Variants in ANKMY1 observed in about 807,000 individuals in gnomAD.
ANKMY1 encodes ankyrin repeat and MYND domain-containing protein 1.
ANKMY1 carries 98 observed loss-of-function variants against 102.0 expected under a neutral mutation model. The observed-to-expected ratio is 0.96, with a 90% CI of 0.82 to 1.14. ANKMY1 has a LOEUF of 1.14. Among genes scored for constraint, ANKMY1 ranks in the 50% most tolerant of loss-of-function variants. ANKMY1 has a pLI of 0.00. For synonymous variants in ANKMY1, 582 were observed against 559.9 expected (o/e 1.04, Z -0.56); for missense variants, 1,330 against 1,347.6 (o/e 0.99, Z 0.20).
At chr2:240,478,141 G>A (rs996839411), downstream of ANKMY1, among the ~76,000 whole-genome samples, 2 of 152,108 alleles carry the variant, frequency 1.3e-5, no homozygotes, top group Admixed American at 6.5e-5. Flanking sequence ...GCGAAGTGCC[G>A]GCTTCCCCTT....
At chr2:240,526,936 T>C in intron 5 of ANKMY1, 1 of 1,061,024 alleles carries the variant, frequency 9.4e-7, no homozygotes, top group Non-Finnish European at 1.1e-6. Flanking sequence ...ACACAACCCC[T>C]TTTCACAATC....
chr2:240,511,346 C>T (rs538535023), intron 11 of ANKMY1, among the ~76,000 whole-genome samples: 3 of 152,388 alleles, frequency 2.0e-5, no homozygotes, highest in East Asian at 3.9e-4. Flanking sequence ...TGCTGCCACA[C>T]GGCAAAGCTG....
intron 4 of ANKMY1, among the ~76,000 whole-genome samples, chr2:240,544,750 C>T (rs1422941131): frequency 2.6e-5 from 4 of 152,172 alleles, no homozygotes; most frequent in Admixed American, 1.3e-4. Context: ...GGGTGACAGA[C>T]GGCACCTGGA....
At chr2:240,560,662 A>G (rs757034130), upstream of ANKMY1, 7 of 1,496,190 alleles carry the variant, frequency 4.7e-6, no homozygotes, top group South Asian at 8.9e-5. Flanking sequence ...CAGGGCCCAA[A>G]AGCAGACTCT....
At chr2:240,514,643 T>C (rs2080861680) in intron 9 of ANKMY1, among the ~76,000 whole-genome samples, 1 of 152,234 alleles carries the variant, frequency 6.6e-6, no homozygotes, top group Admixed American at 6.5e-5. Flanking sequence ...GGATGTCCAA[T>C]GACACTCTGC....
chr2:240,485,567 T>G (rs2075954946), intron 15 of ANKMY1, among the ~76,000 whole-genome samples: 1 of 151,342 alleles, frequency 6.6e-6, no homozygotes, highest in Non-Finnish European at 1.5e-5. Context: ...CACATCAGCC[T>G]TTACCACATG....
chr2:240,553,205 T>TA (rs1174347189), intron 3 of ANKMY1, 148 bp from the exon 4 acceptor site: 4 of 954,046 alleles, frequency 4.2e-6, no homozygotes, highest in African/African-American at 1.7e-5. Flanking sequence ...ATGCGACTAT[T>TA]AGAGTCGGCA....
At chr2:240,561,060 C>G, upstream of ANKMY1, 1 of 1,493,166 alleles carries the variant, frequency 6.7e-7, no homozygotes, top group South Asian at 1.3e-5. Flanking sequence ...CGGCCTCAGC[C>G]TGGCGAAGGC....
intron 4 of ANKMY1, among the ~76,000 whole-genome samples, chr2:240,535,336 C>T (rs2086458700): frequency 6.6e-6 from 1 of 152,184 alleles, no homozygotes; most frequent in Non-Finnish European, 1.5e-5. Flanking sequence ...TTGAGTTTAT[C>T]TGAACCCAGT....
chr2:240,516,510 T>C (rs573856461), intron 9 of ANKMY1, among the ~76,000 whole-genome samples: 3 of 152,376 alleles, frequency 2.0e-5, no homozygotes, highest in South Asian at 2.1e-4. Context: ...TCTGTCTTAA[T>C]ATATGTTGCC....
chr2:240,500,421 C>A (rs759689534), intron 14 of ANKMY1, 31 bp downstream of exon 14: 3 of 1,599,224 alleles, frequency 1.9e-6, no homozygotes, highest in East Asian at 4.5e-5. Flanking sequence ...CCACACTCCC[C>A]CTCCTTCCTC....
chr2:240,553,258 C>T (rs918790588), intron 3 of ANKMY1: 3 of 611,400 alleles, frequency 4.9e-6, no homozygotes, highest in African/African-American at 3.7e-5. Flanking sequence ...AGCCTGATAG[C>T]CAGGCTCCCT....
chr2:240,515,572 C>T (rs1437815222), intron 9 of ANKMY1, among the ~76,000 whole-genome samples: 2 of 151,974 alleles, frequency 1.3e-5, no homozygotes, highest in Admixed American at 6.6e-5. Flanking sequence ...AGGTTATAAA[C>T]GTTTTATGGA....
At chr2:240,470,683 C>T in the ANKMY1 span, among the ~76,000 whole-genome samples, 2 of 152,106 alleles carry the variant, frequency 1.3e-5, no homozygotes, top group Non-Finnish European at 2.9e-5. Context: ...TCAGACCAAG[C>T]GTCCTGATGT....
At position 240,482,238 on chromosome 2, in the gene ANKMY1, T is replaced by A. The variant is rs1265196488; in HGVS notation, c.2830A>T (p.Met944Leu). ...GGCAGGCTGGGGCCCTTCTTCTTCA[T>A]CCTGTGGCTGGGGATCAGCTCCGCT... The part of the protein sequence containing the change: ...KRAELIPSHR[M>L]KKKGPSLPRG... Residue 944 changes from methionine (M) to leucine (L), a missense_variant, in exon 16 of 18, where the codon ATG becomes TTG. Physicochemically the swap from Met to Leu is conservative, Grantham distance 15 (BLOSUM62 2). Coordinates refer to ENST00000401804, the MANE Select transcript of ANKMY1 (RefSeq NM_001282771.3). The A allele has an allele frequency of 3.1e-6, 5 of 1,612,846 alleles. No individual in the cohort carries two copies. The South Asian group carries it at 5.5e-5, about 18-fold the overall frequency.
rs184714349 is a variant in ANKMY1 at position 240,535,471 on chromosome 2, A to G, written c.481-5962T>C. On this transcript the variant is annotated intron_variant, in intron 4 of 17. Transcript: ENST00000401804. ...TAAAAGGGTGCCTGGCTCTTAGGTG[A>G]TTATCTCCTGCATCTGGAAAGAAAG... Among the ~76,000 whole-genome samples the G allele has an allele frequency of 4.9e-3, 745 of 152,288 alleles. 11 individuals are homozygous for G. Among genetic ancestry groups the G allele is most frequent in the African/African-American group, 0.017 (696 of 41,560 alleles).
intron 4 of ANKMY1, among the ~76,000 whole-genome samples, chr2:240,542,356 T>C (rs544510997): frequency 6.6e-6 from 1 of 151,698 alleles, no homozygotes; most frequent in East Asian, 1.9e-4. Context: ...AATACAAAAA[T>C]TAGCCGGGTG....
rs1054554364 is a variant in ANKMY1, at chr2:240,520,671, C to G, written c.1833-138G>C. 41 of 1,075,054 alleles carry G rather than the reference C, an allele frequency of 3.8e-5. No homozygotes were observed. In the East Asian group the frequency reaches 1.0e-3, roughly 27 times the overall value. 66.6% of individuals were successfully genotyped at this position (1,075,054 alleles called of 1,614,324 possible). A position where few individuals can be genotyped will look rare whatever the true frequency, so the allele number is the denominator to read the frequency against. ...TGCCGCAACTACACAATCACACACA[C>G]AGCACACACCCACACACGCAGACAC... On this transcript the variant is annotated intron_variant, in intron 8 of 17. Transcript: ENST00000401804. This position sits in a 1 kb window ranked among gnomAD's most constrained non-coding sequence, Gnocchi z 4.8.
At chr2:240,544,915 G>A (rs1231773952) in intron 4 of ANKMY1, among the ~76,000 whole-genome samples, 10 of 151,838 alleles carry the variant, frequency 6.6e-5, no homozygotes, top group East Asian at 1.9e-4. Flanking sequence ...ACTGCAAGGC[G>A]GCAGCGAGGC....
Sources: gnomAD v4.1 joint callset for allele counts (sites outside exome capture counted in the v4.1 genomes callset) on GRCh38, gnomAD v4.1.1 for gene constraint, Gnocchi (gnomAD v3.1) non-coding constraint, MANE v1.5 for transcripts, NCBI Gene and HGNC (gene_info 2026-07-23, HGNC 2026-07-21) for gene names.